Variants in PIWIL3 observed in about 807,000 individuals in gnomAD.
PIWIL3 encodes the protein piwi like RNA-mediated gene silencing 3.
Under a neutral mutation model 109.7 loss-of-function variants are expected in PIWIL3, and 101 were observed. The ratio of observed to expected loss-of-function variants is 0.92; its 90% confidence interval spans 0.78 to 1.09. The LOEUF (loss-of-function observed/expected upper bound fraction) is 1.09, where lower values mean the gene tolerates loss of function less well. Ranked by LOEUF, PIWIL3 falls within the 50% of genes least tolerant of loss-of-function variation. PIWIL3 has a pLI of 0.00. For synonymous variants in PIWIL3, 373 were observed against 376.4 expected, an observed-to-expected ratio of 0.99 and a Z score of 0.10; for missense variants, 1,031 against 1,072.6, an observed-to-expected ratio of 0.96 and a Z score of 0.54.
At chr22:24,769,822 A>AT (rs71189283) in intron 1 of PIWIL3, 9 of 151,628 alleles carry the variant, frequency 5.9e-5, no homozygotes, top group Non-Finnish European at 1.2e-4. Context: ...AATAATAATA[A>AT]ATACACCAAT....
rs768158135 is a variant in PIWIL3 at position 24,754,123 on chromosome 22, G to A, written c.868C>T (p.Arg290Ter). ...ATGAAATCATAAGCAGTTTCTATTC[G>A]GAGCAGTTTGTGGCTCACATCGGCA... ...LCADVSHKLL[R>*]IETAYDFIKR... The change falls in exon 8 of 21, where the codon CGA (arginine) becomes TGA (stop). Residue 290 changes from arginine to a stop codon, truncating the protein, a stop_gained. Transcript: ENST00000616349. LOFTEE classifies it high-confidence loss of function. 22 of 1,613,496 alleles carry A rather than the reference G, an allele frequency of 1.4e-5. No individual in the cohort carries two copies. Among genetic ancestry groups the A allele is most frequent in the East Asian group, 4.5e-5 (2 of 44,882 alleles).
Position 24,728,250 on chromosome 22 carries a change from C to G in PIWIL3, c.1832G>C (p.Arg611Thr). Residue 611 changes from arginine (R) to threonine (T), a missense_variant, in exon 15 of 21, where the codon AGG becomes ACG. By Grantham distance (71) the Arg-to-Thr change is moderately conservative. Transcript: ENST00000616349. ...CTGGGCAATCTTGGTGACGATGGTC[C>G]TTGCCTGGACTTTTTCTAAGGTCTT... Reference protein sequence around the residue: ...VKKTLEKVQARTIVTKIAQQM... With the variant: ...VKKTLEKVQATTIVTKIAQQM... 3.7e-6 allele frequency: 6 copies of G among 1,614,210 alleles called. No homozygotes were observed. Among genetic ancestry groups the G allele is most frequent in the Non-Finnish European group, 1.7e-6 (2 of 1,180,040 alleles).
At chr22:24,750,340 G>A (rs1219125740) in intron 9 of PIWIL3, among the ~76,000 whole-genome samples, 3 of 152,146 alleles carry the variant, frequency 2.0e-5, no homozygotes, top group Non-Finnish European at 4.4e-5. Context: ...CACTCAGATT[G>A]AGGAATCCAT....
intron 12 of PIWIL3, among the ~76,000 whole-genome samples, chr22:24,741,795 T>A (rs1924023097): frequency 6.6e-6 from 1 of 151,950 alleles, no homozygotes; most frequent in African/African-American, 2.4e-5. Context: ...CAGGAGCAGG[T>A]TAACGGTGAA....
chr22:24,773,470 G>A (rs1012128838), intron 1 of PIWIL3, among the ~76,000 whole-genome samples: 2 of 152,012 alleles, frequency 1.3e-5, no homozygotes, highest in Non-Finnish European at 1.5e-5. Context: ...GTCCCACAAC[G>A]AATGCTCAAA....
chr22:24,727,973 T>A lies in PIWIL3; in HGVS notation c.1986A>T (p.Ala662=). Reference sequence around the variant, plus strand: ...ACTTTGTTAATTCAGCATTGGTACTTGCAACAAATCCTGCTATTGATTTCT... The same window carrying A: ...ACTTTGTTAATTCAGCATTGGTACTAGCAACAAATCCTGCTATTGATTTCT... The part of the protein sequence containing the change: ...NRQKSIAGFV[A]STNAELTKWY... Residue 662 remains alanine (A), a synonymous_variant, in exon 16 of 21, where the codon GCA becomes GCT. Transcript: ENST00000616349. 6.2e-7 allele frequency: 1 copy of A among 1,613,416 alleles called. No homozygotes were observed. The highest frequency in any genetic ancestry group is 8.5e-7 in the Non-Finnish European group (1 of 1,179,782).
At chr22:24,735,915 G>A (rs761363496) in intron 12 of PIWIL3, 23 bp from the exon 13 acceptor site, 3 of 1,542,546 alleles carry the variant, frequency 1.9e-6, no homozygotes, top group South Asian at 1.2e-5. Context: ...TATAAGACAT[G>A]GCATAAAACT....
chr22:24,730,369 A>AC (rs1923277134), intron 14 of PIWIL3, among the ~76,000 whole-genome samples: 1 of 151,380 alleles, frequency 6.6e-6, no homozygotes. Context: ...GTCTCAAAAA[A>AC]AAAAAAAAAA....
intron 16 of PIWIL3, among the ~76,000 whole-genome samples, 160 bp downstream of exon 16, chr22:24,727,790 G>C (rs1236213884): frequency 2.0e-5 from 3 of 152,156 alleles, no homozygotes; most frequent in African/African-American, 7.2e-5. Flanking sequence ...AATGTTCTGG[G>C]AACATAACTT....
chr22:24,746,446 G>A (rs1163053119), intron 12 of PIWIL3, among the ~76,000 whole-genome samples: 1 of 141,398 alleles, frequency 7.1e-6, no homozygotes, highest in Non-Finnish European at 1.6e-5. Flanking sequence ...ATACACTTCA[G>A]ACCCACAGCT....
chr22:24,724,774 G>T, intron 18 of PIWIL3, 113 bp downstream of exon 18: 1 of 1,200,084 alleles, frequency 8.3e-7, no homozygotes, highest in Non-Finnish European at 1.2e-6. Flanking sequence ...ATCTCACTAT[G>T]TTGCCCAAGC....
At chr22:24,751,364 T>C (rs1349905445) in intron 9 of PIWIL3, 23 bp downstream of exon 9, 4 of 1,569,920 alleles carry the variant, frequency 2.5e-6, no homozygotes, top group Non-Finnish European at 3.5e-6. Context: ...TTTAAATATA[T>C]TTAAAGAAAT....
intron 1 of PIWIL3, among the ~76,000 whole-genome samples, chr22:24,773,582 C>T (rs6004274): frequency 0.45 from 68,255 of 151,864 alleles, 15,572 homozygotes; most frequent in East Asian, 0.59. Context: ...AGAAATTCCG[C>T]GGTTTTATTT....
chr22:24,739,032 A>G (rs184774755), intron 12 of PIWIL3, among the ~76,000 whole-genome samples: 8 of 152,288 alleles, frequency 5.3e-5, no homozygotes, highest in Middle Eastern at 3.4e-3. Context: ...AAATAATTAA[A>G]AAGATTCAAG....
rs147281620 is a variant in PIWIL3 at position 24,755,866 on chromosome 22, C to T, written c.610G>A (p.Val204Met). Residue 204 changes from valine to methionine, a missense_variant, in exon 6 of 21, where the codon GTG (valine) becomes ATG (methionine). Physicochemically the swap from Val to Met is conservative, Grantham distance 21. Transcript: ENST00000616349. ...TTGGAAAACTCAACTGTAATCTTCA[C>T]GATGTTTTTGTCTTTGGTTGTGCTC... ...WLSTTKDKNI[V>M]KITVEFSKEL... The T allele has an allele frequency of 2.7e-4, 437 of 1,613,650 alleles. No individual in the cohort carries two copies. The African/African-American group carries it at 3.3e-3, about 12-fold the overall frequency.
intron 12 of PIWIL3, among the ~76,000 whole-genome samples, chr22:24,747,446 A>T (rs1337486919): frequency 6.6e-6 from 1 of 152,188 alleles, no homozygotes; most frequent in Non-Finnish European, 1.5e-5. Flanking sequence ...TAAAGCAAAA[A>T]TGGATATGTA....
chr22:24,725,337 A>C (rs1247118032), intron 17 of PIWIL3, 108 bp downstream of exon 17: 14 of 1,397,638 alleles, frequency 1.0e-5, no homozygotes, highest in Non-Finnish European at 1.4e-5. Flanking sequence ...TTGTGACACC[A>C]AAAACTAAAG....
At chr22:24,735,600 C>T in intron 13 of PIWIL3, 108 bp downstream of exon 13, 1 of 1,113,712 alleles carries the variant, frequency 9.0e-7, no homozygotes, top group East Asian at 2.6e-5. Flanking sequence ...ACTTTACAAA[C>T]TCTAAGGTTT....
chr22:24,728,693 A>G (rs1923146092), intron 14 of PIWIL3, among the ~76,000 whole-genome samples: 1 of 152,232 alleles, frequency 6.6e-6, no homozygotes, highest in South Asian at 2.1e-4. Flanking sequence ...TGTTTAAATT[A>G]TAGTGTTGTA....
Sources: gnomAD v4.1 joint callset for allele counts (sites outside exome capture counted in the v4.1 genomes callset) on GRCh38, gnomAD v4.1.1 for gene constraint, MANE v1.5 for transcripts, NCBI Gene and HGNC (gene_info 2026-07-23, HGNC 2026-07-21) for gene names.